The following DLGAP2 variants were observed in gnomAD, a reference collection of about 807,000 sequenced individuals.
The protein encoded by DLGAP2 is DLG associated protein 2.
DLGAP2 carries 26 observed loss-of-function variants against 100.3 expected under a neutral mutation model. The ratio of observed to expected loss-of-function variants is 0.26; its 90% CI spans 0.19 to 0.36. The LOEUF (loss-of-function observed/expected upper bound fraction) is 0.36. DLGAP2 is among the 10% of genes least tolerant of loss of function. The pLI, the probability that DLGAP2 is intolerant of heterozygous loss-of-function variation, is 1.00. For synonymous variants in DLGAP2, 886 were observed against 630.1 expected (o/e 1.41, Z -6.08); for missense variants, 1,858 against 1,453.2 (o/e 1.28, Z -4.53).
At chr8:1,569,553 C>T (rs977677023) in intron 6 of DLGAP2, among the ~76,000 whole-genome samples, 2 of 152,198 alleles carry the variant, frequency 1.3e-5, no homozygotes, top group Non-Finnish European at 2.9e-5. Flanking sequence ...GTTGCCTATT[C>T]GCATCTTAGT....
At chr8:1,464,319 G>C (rs72507645) in intron 3 of DLGAP2, among the ~76,000 whole-genome samples, 1 of 45,916 alleles carries the variant, frequency 2.2e-5, no homozygotes, top group African/African-American at 1.0e-4. Flanking sequence ...CCAGGACAAC[G>C]CCCTTCCAGG....
intron 3 of DLGAP2, among the ~76,000 whole-genome samples, chr8:1,319,731 A>C (rs1800851852): frequency 6.6e-6 from 1 of 152,188 alleles, no homozygotes; most frequent in African/African-American, 2.4e-5. Context: ...GGGAAGAGGC[A>C]GGACATCAGC....
chr8:1,213,376 A>G (rs1403853110), intron 2 of DLGAP2, among the ~76,000 whole-genome samples: 1 of 148,788 alleles, frequency 6.7e-6, no homozygotes, highest in Admixed American at 6.6e-5. Flanking sequence ...GTGTATTGCA[A>G]TGATAATCCA....
At chr8:994,933 T>C (rs1443448901) in intron 2 of DLGAP2, among the ~76,000 whole-genome samples, 2 of 152,142 alleles carry the variant, frequency 1.3e-5, no homozygotes, top group Non-Finnish European at 2.9e-5. Context: ...CGGACAACGG[T>C]GGTACAGTTG....
intron 2 of DLGAP2, among the ~76,000 whole-genome samples, chr8:1,053,573 C>T (rs772005929): frequency 2.0e-5 from 3 of 152,056 alleles, no homozygotes; most frequent in Admixed American, 6.6e-5. Context: ...GTGATGAAGA[C>T]TGACACAGAA....
rs561223862 is a variant in DLGAP2 at position 1,292,257 on chromosome 8, C to G, written c.106+33374C>G. On this transcript the variant is annotated intron_variant, in intron 3 of 14. Coordinates refer to ENST00000637795, the MANE Select transcript of DLGAP2 (RefSeq NM_001346810.2). ...TCAAAAACAACAAAGGTATTGGGTT[C>G]CCTCTGCCCTGGCTCTTTCTGGCCA... Among the ~76,000 whole-genome samples the G allele has an allele frequency of 5.9e-5, 9 of 152,314 alleles. No homozygotes were observed. In the East Asian group the frequency reaches 1.7e-3, roughly 29 times the overall value.
At chr8:944,523 G>T (rs1009397546) in intron 2 of DLGAP2, among the ~76,000 whole-genome samples, 1 of 151,998 alleles carries the variant, frequency 6.6e-6, no homozygotes, top group South Asian at 2.1e-4. Flanking sequence ...GTCCATGTGG[G>T]TGATCCAGTG....
intron 3 of DLGAP2, among the ~76,000 whole-genome samples, chr8:1,410,923 A>G (rs1796713576): frequency 6.6e-6 from 1 of 150,670 alleles, no homozygotes; most frequent in African/African-American, 2.4e-5. Flanking sequence ...AAATATCTTT[A>G]CTTCTCTATT....
At position 1,669,846 on chromosome 8, in the gene DLGAP2, T is replaced by C. The variant is rs367826684; in HGVS notation, c.2202+62T>C. Reference sequence around the variant, plus strand: ...TGACTTTCATTTTCTCTCCCTTTTTTGGATGTTCATGCGACCGCTCTTGTC... The same window carrying C: ...TGACTTTCATTTTCTCTCCCTTTTTCGGATGTTCATGCGACCGCTCTTGTC... On this transcript the variant is annotated intron_variant, in intron 10 of 14. Transcript: ENST00000637795. 18 of 780,554 alleles carry C rather than the reference T, an allele frequency of 2.3e-5. No homozygotes were observed. In the Admixed American group the frequency reaches 2.5e-4, roughly 11 times the overall value. The allele number at this position is 780,554 out of a possible 1,614,324, so 48.4% of individuals were successfully genotyped here. A position where few individuals can be genotyped will look rare whatever the true frequency, so the allele number is the denominator to read the frequency against.
chr8:1,273,574 G>A (rs537594565), intron 3 of DLGAP2, among the ~76,000 whole-genome samples: 1 of 152,218 alleles, frequency 6.6e-6, no homozygotes, highest in East Asian at 1.9e-4. Flanking sequence ...CAGACGTGCC[G>A]TGACGGCTTT....
At chr8:1,304,281 G>A (rs1036278206) in intron 3 of DLGAP2, among the ~76,000 whole-genome samples, 15 of 152,216 alleles carry the variant, frequency 9.9e-5, no homozygotes, top group Admixed American at 3.9e-4. Flanking sequence ...GGCCACCGTG[G>A]CCCCACACCC....
At chr8:1,413,100 C>T (rs1242161951) in intron 3 of DLGAP2, among the ~76,000 whole-genome samples, 1 of 152,114 alleles carries the variant, frequency 6.6e-6, no homozygotes, top group South Asian at 2.1e-4. Context: ...TCCTAGTGTC[C>T]CTCTGGAACT....
At chr8:1,410,859 C>G (rs2129878912) in intron 3 of DLGAP2, among the ~76,000 whole-genome samples, 1 of 146,570 alleles carries the variant, frequency 6.8e-6, no homozygotes, top group East Asian at 2.0e-4. Flanking sequence ...TTTAAACTTC[C>G]TTGTTTTCAG....
At chr8:1,112,125 A>G (rs1436599486) in intron 2 of DLGAP2, among the ~76,000 whole-genome samples, 1 of 151,478 alleles carries the variant, frequency 6.6e-6, no homozygotes, top group Non-Finnish European at 1.5e-5. Context: ...ATGATATCTC[A>G]TTGGGGTTTT....
At chr8:1,123,623 T>G (rs564839507) in intron 2 of DLGAP2, among the ~76,000 whole-genome samples, 4 of 151,216 alleles carry the variant, frequency 2.6e-5, no homozygotes, top group Non-Finnish European at 5.9e-5. Flanking sequence ...GTAATTTATC[T>G]TTCCTTTATT....
chr8:1,604,220 C>T (rs114127882), intron 6 of DLGAP2, among the ~76,000 whole-genome samples: 346 of 152,278 alleles, frequency 2.3e-3, no homozygotes, highest in African/African-American at 8.1e-3. Context: ...GGAGAAGGGA[C>T]CTTGCTATAA....
intron 2 of DLGAP2, among the ~76,000 whole-genome samples, chr8:1,122,091 C>T (rs369282835): frequency 6.6e-6 from 1 of 152,146 alleles, no homozygotes; most frequent in African/African-American, 2.4e-5. Flanking sequence ...GATTGCACTC[C>T]CTTAGGTGAA....
chr8:1,007,056 A>G (rs181063329), intron 2 of DLGAP2, among the ~76,000 whole-genome samples: 2 of 149,592 alleles, frequency 1.3e-5, no homozygotes, highest in East Asian at 2.0e-4. Flanking sequence ...CACGTTGGGG[A>G]CACCTTGTGT....
chr8:1,296,734 GT>G (rs1800186550), intron 3 of DLGAP2, among the ~76,000 whole-genome samples: 1 of 152,200 alleles, frequency 6.6e-6, no homozygotes, highest in South Asian at 2.1e-4. Flanking sequence ...GGCTCTTTGG[GT>G]TCGCTTGCGG....
Sources: gnomAD v4.1 joint callset for allele counts (sites outside exome capture counted in the v4.1 genomes callset) on GRCh38, gnomAD v4.1.1 for gene constraint, MANE v1.5 for transcripts, NCBI Gene and HGNC (gene_info 2026-07-23, HGNC 2026-07-21) for gene names.